TRPM3: variants seen among roughly 807,000 people sequenced by gnomAD.
TRPM3 encodes transient receptor potential cation channel subfamily M member 3, also known as long transient receptor potential channel 3.
A neutral mutation model predicts 181.2 loss-of-function variants in TRPM3; 77 were observed. The ratio of observed to expected loss-of-function variants is 0.42; its 90% CI spans 0.35 to 0.51. The LOEUF (loss-of-function observed/expected upper bound fraction) is 0.51. TRPM3 is among the 20% of genes least tolerant of loss of function. TRPM3 has a pLI of 0.01. For missense variants in TRPM3, 1,759 were observed against 2,196.7 expected (o/e 0.80, Z 3.98); for synonymous variants, 745 against 796.4 (o/e 0.94, Z 1.09).
At chr9:70,699,024 C>T (rs1312473626) in intron 8 of TRPM3, among the ~76,000 whole-genome samples, 1 of 152,138 alleles carries the variant, frequency 6.6e-6, no homozygotes, top group Non-Finnish European at 1.5e-5. Flanking sequence ...ACACAGAAAA[C>T]ACACATCCTC....
At chr9:71,299,489 A>T (rs550202086) in intron 1 of TRPM3, among the ~76,000 whole-genome samples, 4 of 151,642 alleles carry the variant, frequency 2.6e-5, no homozygotes, top group Admixed American at 6.6e-5. Context: ...GAAGGAAAAT[A>T]AAAGAGAAAA....
At chr9:71,402,989 T>C (rs1382823686) in intron 1 of TRPM3, among the ~76,000 whole-genome samples, 1 of 152,202 alleles carries the variant, frequency 6.6e-6, no homozygotes, top group East Asian at 1.9e-4. Flanking sequence ...ACAATCCTTG[T>C]TCTCAAAGTT....
chr9:71,356,801 GC>G (rs973429990), intron 1 of TRPM3, among the ~76,000 whole-genome samples: 18 of 152,138 alleles, frequency 1.2e-4, no homozygotes, highest in Admixed American at 1.2e-3. Flanking sequence ...GTGTATTCCA[GC>G]CCCGAGCCCC....
chr9:70,638,137 C>T (rs931408400), intron 11 of TRPM3, among the ~76,000 whole-genome samples: 1 of 152,112 alleles, frequency 6.6e-6, no homozygotes, highest in Admixed American at 6.5e-5. Flanking sequence ...AGGCCTTTTG[C>T]CCTCTGTCTC....
rs2045913506 is a variant in TRPM3, at chr9:70,549,418, G to A, written c.3707+124C>T. On this transcript the variant is annotated intron_variant, in intron 25 of 25. Transcript: ENST00000677713. Reference sequence around the variant, plus strand: ...TGTTCTGTTCTCTCATAAGCTCCATGATTTCTCAGACAATAAAAACAAACA... The same window carrying A: ...TGTTCTGTTCTCTCATAAGCTCCATAATTTCTCAGACAATAAAAACAAACA... 3 of 1,282,140 alleles carry A rather than the reference G, an allele frequency of 2.3e-6. No individual in the cohort carries two copies. The Admixed American group carries it at 7.4e-5, about 31-fold the overall frequency. 79.4% of individuals were successfully genotyped at this position (1,282,140 alleles called of 1,614,324 possible).
chr9:70,979,048 AC>A (rs1215955563), intron 1 of TRPM3, among the ~76,000 whole-genome samples: 1 of 152,218 alleles, frequency 6.6e-6, no homozygotes, highest in Non-Finnish European at 1.5e-5. Flanking sequence ...TAGGGCAGGA[AC>A]TAATTTTCAA....
At chr9:70,850,476 G>T (rs73647171) in intron 3 of TRPM3, among the ~76,000 whole-genome samples, 5,819 of 152,238 alleles carry the variant, frequency 0.038, 179 homozygotes, top group East Asian at 0.12. Flanking sequence ...CACTTTGGAG[G>T]TGTTGGGTAA....
intron 1 of TRPM3, among the ~76,000 whole-genome samples, chr9:71,436,291 T>A (rs1028207117): frequency 5.7e-4 from 27 of 47,650 alleles, no homozygotes; most frequent in African/African-American, 1.0e-3. Flanking sequence ...CTCTTTTTTT[T>A]TTCTTTCTTT....
intron 9 of TRPM3, among the ~76,000 whole-genome samples, chr9:70,667,608 A>T (rs1219257759): frequency 6.6e-6 from 1 of 152,164 alleles, no homozygotes; most frequent in Non-Finnish European, 1.5e-5. Flanking sequence ...AGTAGAGGAG[A>T]GGATATGGCA....
intron 1 of TRPM3, among the ~76,000 whole-genome samples, chr9:70,898,446 T>C (rs1328767837): frequency 6.7e-6 from 1 of 149,982 alleles, no homozygotes; most frequent in African/African-American, 2.4e-5. Context: ...AGTAAATGTT[T>C]TTGAAAAATT....
At chr9:70,852,701 G>A (rs746880246) in intron 3 of TRPM3, among the ~76,000 whole-genome samples, 66 of 152,100 alleles carry the variant, frequency 4.3e-4, no homozygotes, top group Non-Finnish European at 7.5e-4. Flanking sequence ...TCCATCAGAT[G>A]TAAACTCCCC....
At chr9:71,324,827 A>G (rs1274216829) in intron 1 of TRPM3, among the ~76,000 whole-genome samples, 1 of 152,102 alleles carries the variant, frequency 6.6e-6, no homozygotes, top group Non-Finnish European at 1.5e-5. Flanking sequence ...ACATGGATGG[A>G]ATAGGAGGTC....
chr9:71,156,376 GACACACACACACAC>G (rs71507025), intron 1 of TRPM3, among the ~76,000 whole-genome samples: 32 of 138,444 alleles, frequency 2.3e-4, no homozygotes, highest in Admixed American at 1.5e-3. Flanking sequence ...ATATACTACA[GACACACACACACAC>G]ACACACACAC....
chr9:71,239,069 A>C (rs1212159103), intron 1 of TRPM3, among the ~76,000 whole-genome samples: 1 of 152,112 alleles, frequency 6.6e-6, no homozygotes, highest in East Asian at 1.9e-4. Context: ...TCCCTTGAAG[A>C]AGGAAAAAAA....
chr9:70,951,149 T>C (rs1347599696), intron 1 of TRPM3, among the ~76,000 whole-genome samples: 1 of 152,160 alleles, frequency 6.6e-6, no homozygotes. Flanking sequence ...TATAAATTCA[T>C]ACTTAAAATA....
chr9:71,382,331 A>T (rs1030053192), intron 1 of TRPM3, among the ~76,000 whole-genome samples: 2 of 152,160 alleles, frequency 1.3e-5, no homozygotes, highest in African/African-American at 4.8e-5. Context: ...CATTTGAAAA[A>T]ATTTTCCATG....
At chr9:70,650,603 G>A (rs926727874) in intron 9 of TRPM3, among the ~76,000 whole-genome samples, 4 of 151,398 alleles carry the variant, frequency 2.6e-5, no homozygotes, top group African/African-American at 9.7e-5. Context: ...TCATTTTTTC[G>A]GTTTCCTTCT....
At chr9:70,741,570 A>G (rs935162677) in intron 8 of TRPM3, among the ~76,000 whole-genome samples, 1 of 152,182 alleles carries the variant, frequency 6.6e-6, no homozygotes, top group Admixed American at 6.5e-5. Context: ...GAACCAGCCC[A>G]AATGTCCATC....
intron 1 of TRPM3, among the ~76,000 whole-genome samples, chr9:71,406,624 T>C (rs1160318951): frequency 1.3e-5 from 2 of 152,128 alleles, no homozygotes; most frequent in East Asian, 1.9e-4. Context: ...CTAAAACTTC[T>C]CCATAGATTA....
Sources: gnomAD v4.1 joint callset for allele counts (sites outside exome capture counted in the v4.1 genomes callset) on GRCh38, gnomAD v4.1.1 for gene constraint, MANE v1.5 for transcripts, NCBI Gene and HGNC (gene_info 2026-07-23, HGNC 2026-07-21) for gene names.